MACF1: variants seen among roughly 807,000 people sequenced by gnomAD.
MACF1 encodes microtubule-actin cross-linking factor 1.
In MACF1, 193 loss-of-function variants were observed where a neutral mutation model predicts 854.8. The observed-to-expected ratio is 0.23, with a 90% CI of 0.20 to 0.25. The LOEUF (loss-of-function observed/expected upper bound fraction) is 0.25, where lower values mean the gene tolerates loss of function less well. MACF1 is among the 10% of genes least tolerant of loss of function. The pLI, the probability that MACF1 is intolerant of heterozygous loss-of-function variation, is 1.00. For missense variants in MACF1, 7,722 were observed against 8,929.1 expected (o/e 0.86, Z 5.45); for synonymous variants, 3,185 against 3,226.7 (o/e 0.99, Z 0.44).
chr1:39,113,741 A>AG (rs1228739824), intron 2 of MACF1, among the ~76,000 whole-genome samples: 6 of 152,332 alleles, frequency 3.9e-5, no homozygotes, highest in African/African-American at 1.4e-4. Flanking sequence ...CAAGCAAAAA[A>AG]GATCCCATCC....
At chr1:39,289,851 G>A (rs1049551395) in intron 15 of MACF1, among the ~76,000 whole-genome samples, 33 of 151,528 alleles carry the variant, frequency 2.2e-4, no homozygotes, top group African/African-American at 6.3e-4. Context: ...ACAGGCACGC[G>A]CCACCATGCC....
chr1:39,426,511 G>A (rs1643731738), intron 61 of MACF1, among the ~76,000 whole-genome samples: 1 of 152,162 alleles, frequency 6.6e-6, no homozygotes, highest in Non-Finnish European at 1.5e-5. Flanking sequence ...TGCTAATACA[G>A]TTCTGTGGTT....
rs144590865 is a variant in MACF1, at chr1:39,285,767, C to T, written c.1508+9C>T. 6.5e-4 allele frequency: 1,050 copies of T among 1,613,102 alleles called. 7 individuals are homozygous for T. The African/African-American group carries it at 0.013, about 20-fold the overall frequency. On this transcript the variant is annotated intron_variant, in intron 14 of 100. Coordinates refer to ENST00000564288, the MANE Select transcript of MACF1 (RefSeq NM_001394062.1). The stretch of plus-strand genomic sequence containing the variant: ...GAAGAGCTGGCTTTTAGGTGAGGAA[C>T]AAGGGACTCAAATGGAGGGCTTGCT...
Position 39,130,857 on chromosome 1 carries a change from T to C in MACF1, c.220+46419T>C, listed in dbSNP as rs79460749. The stretch of plus-strand genomic sequence containing the variant: ...TTTCTTTTCTTTACTTTTTTTTTTT[T>C]CGAGATGGAGTTTGCTCTTGTTGCC... On this transcript the variant is annotated intron_variant, in intron 2 of 93. Transcript: ENST00000361689. 6.6e-5 allele frequency among the ~76,000 whole-genome samples: 10 copies of C among 152,002 alleles called. No individual in the cohort carries two copies. The East Asian group carries it at 1.7e-3, about 26-fold the overall frequency.
In MACF1 at chr1:39,485,803, A is replaced by G. The variant is rs764970142; in HGVS notation, c.*9A>G. 7 of 1,566,928 alleles carry G rather than the reference A, an allele frequency of 4.5e-6. No homozygotes were observed. The South Asian group carries it at 4.7e-5, about 11-fold the overall frequency. ...CAGGTCCCAAGCGATAACACTGTCTAAGCACCCCCAAGCCACTATCCACTT... is the reference window on the plus strand; with the variant it reads ...CAGGTCCCAAGCGATAACACTGTCTGAGCACCCCCAAGCCACTATCCACTT... On this transcript the variant is annotated 3_prime_UTR_variant, in exon 101 of 101. Transcript: ENST00000564288.
intron 89 of MACF1, chr1:39,456,890 A>C (rs948541885): frequency 1.3e-5 from 2 of 152,250 alleles, no homozygotes; most frequent in African/African-American, 4.8e-5. Context: ...TTGACATGTA[A>C]CCTAGCTGGC....
chr1:39,144,335 C>A (rs1643415975), intron 2 of MACF1, among the ~76,000 whole-genome samples: 1 of 152,074 alleles, frequency 6.6e-6, no homozygotes, highest in South Asian at 2.1e-4. Flanking sequence ...CCTGCCTCGG[C>A]CTCCCAAAGT....
intron 27 of MACF1, 29 bp from the exon 28 acceptor site, chr1:39,316,362 A>G (rs763672482): frequency 6.3e-7 from 1 of 1,575,948 alleles, no homozygotes; most frequent in Non-Finnish European, 8.6e-7. Flanking sequence ...TTCATGTGTT[A>G]ATGAAGGAAT....
chr1:39,183,446 C>T (rs1229112395), intron 2 of MACF1, among the ~76,000 whole-genome samples: 1 of 152,062 alleles, frequency 6.6e-6, no homozygotes, highest in African/African-American at 2.4e-5. Context: ...TTATTGCTGC[C>T]ACTGAGAATC....
At chr1:39,141,136 A>G (rs150932744) in intron 2 of MACF1, among the ~76,000 whole-genome samples, 6 of 152,262 alleles carry the variant, frequency 3.9e-5, no homozygotes, top group Non-Finnish European at 5.9e-5. Context: ...ACATTATGCT[A>G]TAATCAGTTG....
intron 2 of MACF1, among the ~76,000 whole-genome samples, chr1:39,158,899 T>A (rs1268775811): frequency 1.3e-5 from 2 of 152,192 alleles, no homozygotes; most frequent in Non-Finnish European, 2.9e-5. Flanking sequence ...TTTGCATGCT[T>A]TCACTTCTCA....
At chr1:39,274,985 G>A (rs761063677) in intron 6 of MACF1, among the ~76,000 whole-genome samples, 1 of 151,248 alleles carries the variant, frequency 6.6e-6, no homozygotes, top group Non-Finnish European at 1.5e-5. Context: ...CCAGGAATAA[G>A]CAATTCACAA....
intron 40 of MACF1, among the ~76,000 whole-genome samples, chr1:39,346,434 T>C (rs1026804797): frequency 6.6e-6 from 1 of 152,172 alleles, no homozygotes; most frequent in Non-Finnish European, 1.5e-5. Flanking sequence ...TTGAGCTGCT[T>C]ACTGTATTTG....
chr1:39,374,464 A>G (rs1649537087), intron 52 of MACF1, among the ~76,000 whole-genome samples: 1 of 152,208 alleles, frequency 6.6e-6, no homozygotes, highest in Admixed American at 6.5e-5. Context: ...CATTTCAGGG[A>G]ATTGGTGATA....
chr1:39,428,052 A>T lies in MACF1; in HGVS notation c.16568A>T (p.Glu5523Val). 1 of 1,614,206 alleles carries T rather than the reference A, an allele frequency of 6.2e-7. No individual in the cohort carries two copies. The highest frequency in any genetic ancestry group is 8.5e-7 in the Non-Finnish European group (1 of 1,180,012). Residue 5523 changes from glutamate to valine, a missense_variant, in exon 63 of 101, where the codon GAA (glutamate) becomes GTA (valine). Coordinates refer to ENST00000564288, the MANE Select transcript of MACF1 (RefSeq NM_001394062.1). ...QSLSSLTSPAEQGVLSEKIDS... is the reference protein window; with the variant it reads ...QSLSSLTSPAVQGVLSEKIDS... ...CTCTCCTCCCTGACATCTCCTGCAGAACAGGGTGTGCTGTCAGAAAAGATA... is the reference window on the plus strand; with the variant it reads ...CTCTCCTCCCTGACATCTCCTGCAGTACAGGGTGTGCTGTCAGAAAAGATA...
chr1:39,313,419 A>C (rs1297177815), intron 26 of MACF1, among the ~76,000 whole-genome samples: 1 of 152,140 alleles, frequency 6.6e-6, no homozygotes, highest in East Asian at 1.9e-4. Context: ...ATCACTTCTT[A>C]GTATCATAGT....
chr1:39,338,277 C>A (rs1646862414), intron 38 of MACF1, among the ~76,000 whole-genome samples: 1 of 149,330 alleles, frequency 6.7e-6, no homozygotes, highest in African/African-American at 2.5e-5. Context: ...TTTTTTAGTG[C>A]ATAAATTCAT....
chr1:39,394,251 AT>A (rs1642182668), intron 58 of MACF1, among the ~76,000 whole-genome samples: 1 of 148,102 alleles, frequency 6.8e-6, no homozygotes, highest in Non-Finnish European at 1.5e-5. Context: ...TGATTGATTG[AT>A]TGATTGATTG....
At chr1:39,280,076 T>G (rs76661276) in intron 6 of MACF1, among the ~76,000 whole-genome samples, 1 of 151,954 alleles carries the variant, frequency 6.6e-6, no homozygotes, top group East Asian at 1.9e-4. Context: ...TTTTTTTTTT[T>G]GAGACAGAGT....
Sources: allele counts gnomAD v4.1 joint callset (sites outside exome capture counted in the v4.1 genomes callset), GRCh38; gene constraint gnomAD v4.1.1; transcripts MANE v1.5; gene names NCBI Gene and HGNC (gene_info 2026-07-23, HGNC 2026-07-21).